Variants in PRUNE2 observed in about 807,000 individuals in gnomAD.
The protein encoded by PRUNE2 is protein prune homolog 2.
PRUNE2 carries 164 observed loss-of-function variants against 252.0 expected under a neutral mutation model. That is an observed-to-expected ratio of 0.65 (90% confidence interval 0.57 to 0.74). PRUNE2 has a LOEUF of 0.74. PRUNE2 is among the 30% of genes least tolerant of loss of function. The pLI, the probability that PRUNE2 is intolerant of heterozygous loss-of-function variation, is 0.00. For missense variants in PRUNE2, 3,495 were observed against 3,711.0 expected (o/e 0.94, Z 1.51); for synonymous variants, 1,292 against 1,350.2 (o/e 0.96, Z 0.94).
intron 6 of PRUNE2, chr9:76,788,321 A>C (rs973858538): frequency 4.5e-6 from 3 of 661,190 alleles, no homozygotes; most frequent in Admixed American, 4.7e-5. Context: ...CCGTGGCTAG[A>C]GTTACCACAA....
rs2134869841 is a variant in PRUNE2 at position 76,706,600 on chromosome 9, G to C, written c.5674C>G (p.Gln1892Glu). ...HYTNPFSDNH[Q>E]SPFLEGNGKN... Reference sequence around the variant, plus strand: ...CCATTACCTTCCAGAAAGGGTGACTGATGGTTGTCACTAAAAGGATTAGTA... The same window carrying C: ...CCATTACCTTCCAGAAAGGGTGACTCATGGTTGTCACTAAAAGGATTAGTA... The change falls in exon 8 of 19, where the codon CAG becomes GAG. Residue 1892 changes from glutamine to glutamate, a missense_variant. Physicochemically the swap from Gln to Glu is conservative, Grantham distance 29. Transcript: ENST00000376718. 1 of 1,613,962 alleles carries C rather than the reference G, an allele frequency of 6.2e-7. No homozygotes were observed. The highest frequency in any genetic ancestry group is 1.7e-5 in the Admixed American group (1 of 60,022).
At chr9:76,781,087 A>G (rs1315862834) in intron 6 of PRUNE2, among the ~76,000 whole-genome samples, 3 of 152,200 alleles carry the variant, frequency 2.0e-5, no homozygotes, top group African/African-American at 7.2e-5. Flanking sequence ...ATAAAAATGT[A>G]TCTTGAATTT....
chr9:76,837,309 G>GCA (rs2059049506), intron 4 of PRUNE2, among the ~76,000 whole-genome samples: 1 of 152,066 alleles, frequency 6.6e-6, no homozygotes, highest in Non-Finnish European at 1.5e-5. Context: ...AGGCGTGGTG[G>GCA]CGGGCACCTG....
chr9:76,613,130 T>C lies in PRUNE2; in HGVS notation c.*1440A>G, dbSNP rs1384496378. 4 of 152,190 alleles carry C rather than the reference T, an allele frequency of 2.6e-5. No individual in the cohort carries two copies. The highest frequency in any genetic ancestry group is 6.5e-5 in the Admixed American group (1 of 15,282). 9.4% of individuals were successfully genotyped at this position (152,190 alleles called of 1,614,324 possible). On this transcript the variant is annotated 3_prime_UTR_variant, in exon 19 of 19. Transcript: ENST00000376718. Reference sequence around the variant, plus strand: ...ACTCCTCATGTTTTTCAGCAAGCCATTTCTTTTATTTCACTGTCTGTGGAT... The same window carrying C: ...ACTCCTCATGTTTTTCAGCAAGCCACTTCTTTTATTTCACTGTCTGTGGAT...
intron 6 of PRUNE2, among the ~76,000 whole-genome samples, chr9:76,717,431 C>T (rs115783410): frequency 0.014 from 2,112 of 152,214 alleles, 45 homozygotes; most frequent in African/African-American, 0.047. Context: ...CCTGAATAAA[C>T]AGCACTTCAT....
intron 2 of PRUNE2, among the ~76,000 whole-genome samples, chr9:76,852,704 C>T (rs935819229): frequency 3.3e-5 from 5 of 152,190 alleles, no homozygotes; most frequent in African/African-American, 9.6e-5. Context: ...TAGTATGAGA[C>T]CTTTCAGTAA....
At chr9:76,873,526 G>A (rs1421337736) in intron 1 of PRUNE2, among the ~76,000 whole-genome samples, 1 of 152,056 alleles carries the variant, frequency 6.6e-6, no homozygotes, top group African/African-American at 2.4e-5. Context: ...TCAAGGGATC[G>A]CTGGTAAATC....
intron 6 of PRUNE2, among the ~76,000 whole-genome samples, chr9:76,802,384 A>G (rs1188747247): frequency 3.3e-5 from 5 of 152,166 alleles, no homozygotes; most frequent in Non-Finnish European, 7.4e-5. Context: ...CCTATGTTTA[A>G]TGTTCCTTAG....
intron 11 of PRUNE2, among the ~76,000 whole-genome samples, chr9:76,647,746 C>T (rs1588118700): frequency 6.6e-6 from 1 of 152,106 alleles, no homozygotes; most frequent in Admixed American, 6.6e-5. Context: ...GGGTGGATCA[C>T]GAGGTCAGGA....
At position 76,710,694 on chromosome 9, in the gene PRUNE2, A is replaced by G; in HGVS notation, c.1580T>C (p.Leu527Pro). ...CCCAGCGGGGAGCTGTCCTTCTGAC[A>G]GGTCACTGTTGGGGAAGAAGTCATC... is the stretch of plus-strand genomic sequence containing the variant. ...PADDFFPNSD[L>P]SEGQLPAGPE... The change falls in exon 8 of 19, where the codon CTG (leucine) becomes CCG (proline). Residue 527 changes from leucine to proline, a missense_variant. By Grantham distance (98) the Leu-to-Pro change is moderately conservative. Coordinates refer to ENST00000376718, the MANE Select transcript of PRUNE2 (RefSeq NM_015225.3). 6.2e-7 allele frequency: 1 copy of G among 1,612,690 alleles called. No homozygotes were observed. Among genetic ancestry groups the G allele is most frequent in the Non-Finnish European group, 8.5e-7 (1 of 1,179,280 alleles).
intron 15 of PRUNE2, among the ~76,000 whole-genome samples, chr9:76,630,313 C>A (rs1426569860): frequency 6.7e-6 from 1 of 148,334 alleles, no homozygotes; most frequent in African/African-American, 2.5e-5. Context: ...GATGAACCAA[C>A]ATTCAAAAAT....
chr9:76,833,835 GAA>G (rs2058805906), intron 4 of PRUNE2, among the ~76,000 whole-genome samples: 1 of 150,284 alleles, frequency 6.7e-6, no homozygotes. Context: ...GTGGAATACT[GAA>G]AGACTTCCAC....
intron 1 of PRUNE2, among the ~76,000 whole-genome samples, chr9:76,889,353 A>C (rs1385480782): frequency 3.4e-5 from 5 of 148,816 alleles, no homozygotes; most frequent in African/African-American, 1.2e-4. Flanking sequence ...TTTTTTTTTG[A>C]GACAGAGTTT....
chr9:76,618,054 G>C (rs1003330587), intron 18 of PRUNE2, among the ~76,000 whole-genome samples: 1 of 152,214 alleles, frequency 6.6e-6, no homozygotes, highest in Non-Finnish European at 1.5e-5. Flanking sequence ...TGGGACAACA[G>C]TGACCTTTGG....
At chr9:76,841,780 GA>G (rs2059405528) in intron 4 of PRUNE2, among the ~76,000 whole-genome samples, 1 of 152,142 alleles carries the variant, frequency 6.6e-6, no homozygotes, top group South Asian at 2.1e-4. Context: ...ATCTCTCAAA[GA>G]AAGGCAGCAA....
chr9:76,760,714 C>A (rs1336724554), intron 6 of PRUNE2, among the ~76,000 whole-genome samples: 1 of 152,186 alleles, frequency 6.6e-6, no homozygotes, highest in Non-Finnish European at 1.5e-5. Flanking sequence ...TCTAGACTCA[C>A]TCTACTTCAA....
intron 1 of PRUNE2, among the ~76,000 whole-genome samples, chr9:76,874,867 T>C (rs1477185367): frequency 6.6e-6 from 1 of 152,190 alleles, no homozygotes; most frequent in African/African-American, 2.4e-5. Flanking sequence ...AGTGCTGTAG[T>C]GCAGGGGACT....
intron 9 of PRUNE2, among the ~76,000 whole-genome samples, chr9:76,696,477 G>A (rs56919429): frequency 0.034 from 5,236 of 152,230 alleles, 102 homozygotes; most frequent in East Asian, 0.079. Flanking sequence ...CCAGGCTGGA[G>A]TGCAATGGCA....
intron 1 of PRUNE2, among the ~76,000 whole-genome samples, chr9:76,867,270 T>G (rs369082699): frequency 1.3e-5 from 2 of 151,260 alleles, no homozygotes; most frequent in Admixed American, 1.3e-4. Flanking sequence ...TTTTATCTTA[T>G]GCGGAGAGGG....
Sources: gnomAD v4.1 joint callset for allele counts (sites outside exome capture counted in the v4.1 genomes callset) on GRCh38, gnomAD v4.1.1 for gene constraint, MANE v1.5 for transcripts, NCBI Gene and HGNC (gene_info 2026-07-23, HGNC 2026-07-21) for gene names.